Variants in PIGL observed in about 807,000 individuals in gnomAD.
PIGL encodes N-acetylglucosaminyl-phosphatidylinositol de-N-acetylase.
A neutral mutation model predicts 31.1 loss-of-function variants in PIGL; 22 were observed. That is an observed-to-expected ratio of 0.71 (90% CI 0.51 to 1.01). PIGL has a LOEUF of 1.01. Among genes scored for constraint, PIGL ranks in the 50% least tolerant of loss-of-function variants. The probability of loss-of-function intolerance (pLI) is 0.00; values close to 1 mark genes in which losing one functional copy is unlikely to be tolerated. For missense variants in PIGL, 302 were observed against 315.9 expected, an observed-to-expected ratio of 0.96 and a Z score of 0.33; for synonymous variants, 131 against 117.4, an observed-to-expected ratio of 1.12 and a Z score of -0.75.
At chr17:16,320,924 T>TGTGCCTG (rs2093102757) in intron 6 of PIGL, among the ~76,000 whole-genome samples, 1 of 146,942 alleles carries the variant, frequency 6.8e-6, no homozygotes, top group Admixed American at 6.9e-5. Context: ...CATGAGCCAC[T>TGTGCCTG]GTGCCTGGCC....
intron 1 of PIGL, among the ~76,000 whole-genome samples, chr17:16,218,892 T>C: frequency 6.6e-6 from 1 of 151,668 alleles, no homozygotes; most frequent in Non-Finnish European, 1.5e-5. Context: ...TTAGCCAGGC[T>C]GGTCTCAAAC....
rs74670317 is a variant in PIGL at position 16,279,028 on chromosome 17, G to A, written c.336-20860G>A. Among the ~76,000 whole-genome samples, 810 of 152,274 alleles carry A rather than the reference G, an allele frequency of 5.3e-3. 11 individuals are homozygous for A. Among genetic ancestry groups the A allele is most frequent in the African/African-American group, 0.018 (745 of 41,562 alleles). On this transcript the variant is annotated intron_variant, in intron 2 of 6. Coordinates refer to ENST00000225609, the MANE Select transcript of PIGL (RefSeq NM_004278.4). Reference sequence around the variant, plus strand: ...CAGGGTAGAGCGCTTGGAGGAACAGGCCCAGGAAAGCACACAGTTTCTAGG... The same window carrying A: ...CAGGGTAGAGCGCTTGGAGGAACAGACCCAGGAAAGCACACAGTTTCTAGG...
chr17:16,291,626 G>A (rs1474834357), intron 2 of PIGL, among the ~76,000 whole-genome samples: 1 of 151,888 alleles, frequency 6.6e-6, no homozygotes, highest in Non-Finnish European at 1.5e-5. Flanking sequence ...AGCACTTTGG[G>A]AGGCAGAGGA....
At chr17:16,241,114 CAAA>C (rs35578509) in intron 2 of PIGL, among the ~76,000 whole-genome samples, 1,051 of 52,954 alleles carry the variant, frequency 0.02, 18 homozygotes, top group African/African-American at 0.072. Flanking sequence ...AACTCCCTCT[CAAA>C]AAAAAAAAAA....
chr17:16,223,337 G>A (rs2092637734), intron 1 of PIGL, among the ~76,000 whole-genome samples: 1 of 152,076 alleles, frequency 6.6e-6, no homozygotes, highest in African/African-American at 2.4e-5. Flanking sequence ...CCAGAACTTT[G>A]GGAGGCCAAG....
intron 2 of PIGL, among the ~76,000 whole-genome samples, chr17:16,259,964 C>T (rs995307454): frequency 2.0e-5 from 3 of 152,204 alleles, no homozygotes; most frequent in Non-Finnish European, 4.4e-5. Context: ...GTTCCTGGTG[C>T]CCGCTCCAAT....
At chr17:16,316,623 G>A in intron 4 of PIGL, 58 bp from the exon 5 acceptor site, 1 of 1,534,650 alleles carries the variant, frequency 6.5e-7, no homozygotes, top group Non-Finnish European at 8.9e-7. Context: ...GGCCCCTCCT[G>A]TTACCTACAA....
At chr17:16,318,358 C>T (rs2093087716) in intron 6 of PIGL, among the ~76,000 whole-genome samples, 1 of 151,656 alleles carries the variant, frequency 6.6e-6, no homozygotes. Context: ...GCAACCTCCG[C>T]CTCCTGGGTT....
chr17:16,231,244 T>C (rs1482335336), intron 1 of PIGL, among the ~76,000 whole-genome samples: 1 of 148,530 alleles, frequency 6.7e-6, no homozygotes, highest in African/African-American at 2.5e-5. Context: ...TTTTTTTTTT[T>C]TTTTTTGAGA....
At chr17:16,299,393 G>A (rs937450309) in intron 2 of PIGL, among the ~76,000 whole-genome samples, 9 of 151,672 alleles carry the variant, frequency 5.9e-5, no homozygotes, top group South Asian at 2.1e-4. Context: ...GTAGTGAGCC[G>A]AGATCTCACC....
At chr17:16,231,844 A>G (rs1013731299) in intron 1 of PIGL, among the ~76,000 whole-genome samples, 2 of 152,214 alleles carry the variant, frequency 1.3e-5, no homozygotes, top group African/African-American at 4.8e-5. Flanking sequence ...AATGGTCTCA[A>G]ACTCTTTGGT....
intron 6 of PIGL, among the ~76,000 whole-genome samples, chr17:16,323,664 G>A (rs2093115400): frequency 7.0e-6 from 1 of 143,118 alleles, no homozygotes; most frequent in Admixed American, 7.2e-5. Flanking sequence ...CCAGGCTGGA[G>A]TGTAGTGGTA....
At chr17:16,316,555 G>A (rs1319367868) in intron 4 of PIGL, 126 bp from the exon 5 acceptor site, 1 of 908,822 alleles carries the variant, frequency 1.1e-6, no homozygotes, top group East Asian at 2.5e-5. Context: ...TTATGCAAAA[G>A]AAACCACCTG....
chr17:16,263,063 A>C (rs568231221), intron 2 of PIGL, among the ~76,000 whole-genome samples: 1 of 141,828 alleles, frequency 7.1e-6, no homozygotes, highest in East Asian at 2.1e-4. Flanking sequence ...GGAGGAGGGA[A>C]AAATGGGGTT....
intron 2 of PIGL, among the ~76,000 whole-genome samples, chr17:16,296,918 C>T (rs2092984812): frequency 2.0e-5 from 3 of 151,874 alleles, no homozygotes; most frequent in Non-Finnish European, 2.9e-5. Context: ...GATGGGGTTT[C>T]ACCGTGTTAG....
chr17:16,269,576 A>G (rs73287419), intron 2 of PIGL, among the ~76,000 whole-genome samples: 7,374 of 151,514 alleles, frequency 0.049, 610 homozygotes, highest in African/African-American at 0.17. Context: ...GCTTAAATCC[A>G]GGAGGCTAGG....
intron 2 of PIGL, among the ~76,000 whole-genome samples, chr17:16,268,433 T>G (rs1568810748): frequency 6.6e-6 from 1 of 152,102 alleles, no homozygotes; most frequent in Admixed American, 6.6e-5. Flanking sequence ...TATTAGGTGT[T>G]TTTTGTTTTG....
In PIGL at chr17:16,233,988, GGA is replaced by G. The variant is rs763616470; in HGVS notation, c.258_259del (p.Glu86AspfsTer3). Reference protein sequence around the residue: ...CFSAGNYYNQGETRKKELLQS... With the variant: ...CFSAGNYYNQXETRKKELLQS... ...ACCCTCAGGAAATTACTACAATCAA[GGA>G]GAGACTCGTAAGAAAGAACTTTTGC... On this transcript the variant is annotated frameshift_variant, in exon 2 of 7. Coordinates refer to ENST00000225609, the MANE Select transcript of PIGL (RefSeq NM_004278.4). LOFTEE classifies it high-confidence loss of function. The G allele has an allele frequency of 8.7e-6, 14 of 1,606,312 alleles. No individual in the cohort carries two copies. The East Asian group carries it at 3.1e-4, about 36-fold the overall frequency.
intron 1 of PIGL, among the ~76,000 whole-genome samples, chr17:16,218,677 C>CTTT (rs34243048): frequency 2.7e-4 from 34 of 127,654 alleles, no homozygotes; most frequent in East Asian, 4.6e-4. Context: ...CCAACTTACT[C>CTTT]TTTTTTTTTT....
Sources: gnomAD v4.1 joint callset for allele counts (sites outside exome capture counted in the v4.1 genomes callset) on GRCh38, gnomAD v4.1.1 for gene constraint, MANE v1.5 for transcripts, NCBI Gene and HGNC (gene_info 2026-07-23, HGNC 2026-07-21) for gene names.